Variants in RFX2 observed in about 807,000 individuals in gnomAD.
The protein encoded by RFX2 is regulatory factor X2, also known as DNA-binding protein RFX2.
In RFX2, 20 loss-of-function variants were observed where a neutral mutation model predicts 87.8. The ratio of observed to expected loss-of-function variants is 0.23; its 90% CI spans 0.16 to 0.33. RFX2 has a LOEUF of 0.33. RFX2 is among the 10% of genes least tolerant of loss of function. The pLI is 1.00. For missense variants in RFX2, 767 were observed against 1,012.3 expected (o/e 0.76, Z 3.29); for synonymous variants, 397 against 431.3 (o/e 0.92, Z 0.98).
intron 1 of RFX2, among the ~76,000 whole-genome samples, chr19:6,104,568 C>CAAAA (rs576267913): frequency 0.022 from 2,615 of 120,632 alleles, 57 homozygotes; most frequent in East Asian, 0.065. Context: ...GACTCCATCT[C>CAAAA]AAAAAAAAAA....
intron 1 of RFX2, among the ~76,000 whole-genome samples, chr19:6,107,616 C>CAAAAAAAAAAAAAAAAAAAAAAAAAAAA: frequency 3.2e-5 from 1 of 31,540 alleles, no homozygotes; most frequent in Non-Finnish European, 6.0e-5. Flanking sequence ...GACCCTGTCT[C>CAAAAAAAAAAAAAAAAAAAAAAAAAAAA]AAAAAAAAAA....
At position 6,010,231 on chromosome 19, in the gene RFX2, G is replaced by A. The variant is rs759734629; in HGVS notation, c.920C>T (p.Thr307Met). The A allele has an allele frequency of 1.0e-5, 16 of 1,547,578 alleles. No individual in the cohort carries two copies. The highest frequency in any genetic ancestry group is 3.6e-5 in the South Asian group (3 of 83,968). ...GGAGCCGCTGTCCCCGAGGCTGTCC[G>A]TCTTCTGGGCTGGCCGGTACCTAGG... is the stretch of plus-strand genomic sequence containing the variant. ...QKPRYRPAQK[T>M]DSLGDSGSHS... The change falls in exon 9 of 18, where the codon ACG becomes ATG. Residue 307 changes from threonine to methionine, a missense_variant. Thr to Met is a moderately conservative substitution (Grantham distance 81). Around this residue, in one of 2 missense-constraint regions of RFX2, gnomAD observed 621 missense variants for 873.0 expected, o/e 0.71. Coordinates refer to ENST00000303657, the MANE Select transcript of RFX2 (RefSeq NM_000635.4). This position sits in a 1 kb window ranked among gnomAD's most constrained non-coding sequence, Gnocchi z 5.0.
At chr19:6,029,683 G>A (rs547082996) in intron 5 of RFX2, among the ~76,000 whole-genome samples, 60 of 152,258 alleles carry the variant, frequency 3.9e-4, no homozygotes, top group African/African-American at 1.4e-3. Context: ...ACTCCAACCT[G>A]GGTGACAGAG....
chr19:6,076,388 G>A (rs1176061446), intron 1 of RFX2, among the ~76,000 whole-genome samples: 1 of 152,028 alleles, frequency 6.6e-6, no homozygotes, highest in African/African-American at 2.4e-5. Context: ...TCATCAACTG[G>A]AATACCATTA....
At chr19:6,058,782 C>T (rs574711597) in intron 1 of RFX2, among the ~76,000 whole-genome samples, 1 of 152,248 alleles carries the variant, frequency 6.6e-6, no homozygotes, top group African/African-American at 2.4e-5. Flanking sequence ...AGGATCAGAA[C>T]CAAGCCCTTG....
At chr19:6,059,805 G>GCACA (rs2087402125) in intron 1 of RFX2, among the ~76,000 whole-genome samples, 1 of 151,986 alleles carries the variant, frequency 6.6e-6, no homozygotes, top group South Asian at 2.1e-4. Context: ...ACACATACAT[G>GCACA]CACACACATA....
chr19:6,029,210 T>C (rs1199123153), intron 5 of RFX2, among the ~76,000 whole-genome samples: 1 of 151,248 alleles, frequency 6.6e-6, no homozygotes, highest in African/African-American at 2.4e-5. Flanking sequence ...GTCACCATGT[T>C]AAACTATTCA....
chr19:6,000,724 G>C (rs1014502728), intron 15 of RFX2, among the ~76,000 whole-genome samples: 1 of 152,230 alleles, frequency 6.6e-6, no homozygotes, highest in Non-Finnish European at 1.5e-5. Flanking sequence ...GTGGAACTGT[G>C]AGTCCATTCA....
intron 1 of RFX2, among the ~76,000 whole-genome samples, chr19:6,109,774 C>T (rs1488527290): frequency 6.6e-6 from 1 of 151,738 alleles, no homozygotes; most frequent in East Asian, 2.0e-4. Flanking sequence ...GTGTCCCCAT[C>T]TCAGAGATCT....
rs537234712 is a variant in RFX2 at position 5,998,301 on chromosome 19, C to G, written c.1860-1088G>C. ...CTAGCCTGGGTGACAGAGCAACACT[C>G]CATCTCAAAAAAAAAGAATGAAGTG... On this transcript the variant is annotated intron_variant, in intron 15 of 17. Transcript: ENST00000303657. The surrounding 1 kb of genome is among the most constrained non-coding windows in gnomAD (Gnocchi z 4.2). 2.6e-5 allele frequency among the ~76,000 whole-genome samples: 4 copies of G among 152,098 alleles called. No individual in the cohort carries two copies. The South Asian group carries it at 6.2e-4, about 24-fold the overall frequency.
chr19:6,040,240 G>T lies in RFX2; in HGVS notation c.262C>A (p.Arg88=), dbSNP rs201817157. The T allele has an allele frequency of 1.3e-6, 2 of 1,544,882 alleles. No individual in the cohort carries two copies. The change falls in exon 5 of 18, where the codon CGA becomes AGA. Residue 88 remains arginine, a splice_region_variant and synonymous_variant. Transcript: ENST00000303657. The surrounding 1 kb of genome is among the most constrained non-coding windows in gnomAD (Gnocchi z 6.1). ...TCGGGGTTGTAGGTGTAGGCTGTTC[G>T]TCTGTTAGAAAGAGAGAAGTCACGC... is the stretch of plus-strand genomic sequence containing the variant. ...GDAVYTNGAI[R]TAYTYNPEPQ...
rs1332650254 is a variant in RFX2, at chr19:5,993,677, G to A, written c.*1158C>T. On this transcript the variant is annotated 3_prime_UTR_variant, in exon 18 of 18. Transcript: ENST00000303657. ...CTTCTCTGCAGTTGGTTTGGGGACA[G>A]AACTCCAGCACGCAGCTGTCCAACT... The A allele has an allele frequency of 6.6e-6, 1 of 152,228 alleles. No individual in the cohort carries two copies. Among genetic ancestry groups the A allele is most frequent in the Non-Finnish European group, 1.5e-5 (1 of 68,044 alleles). 9.4% of individuals were successfully genotyped at this position (152,228 alleles called of 1,614,324 possible).
chr19:5,995,388 C>T (rs2086392542), intron 17 of RFX2, among the ~76,000 whole-genome samples: 1 of 152,194 alleles, frequency 6.6e-6, no homozygotes, highest in Admixed American at 6.5e-5. Flanking sequence ...TACCCAGAGG[C>T]CAGCGGCAGT....
chr19:6,060,676 G>A (rs1037193519), intron 1 of RFX2, among the ~76,000 whole-genome samples: 2 of 152,054 alleles, frequency 1.3e-5, no homozygotes, highest in Non-Finnish European at 1.5e-5. Flanking sequence ...GGCCTCCTCT[G>A]AACTTGTACT....
At chr19:6,009,331 G>GC (rs1464486962) in intron 9 of RFX2, among the ~76,000 whole-genome samples, 1 of 152,012 alleles carries the variant, frequency 6.6e-6, no homozygotes, top group Non-Finnish European at 1.5e-5. Context: ...TTCCTTGGCC[G>GC]CCCCCCACCC....
At position 6,048,700 on chromosome 19, in the gene RFX2, T is replaced by C. The variant is rs187176957; in HGVS notation, c.-8-1196A>G. On this transcript the variant is annotated intron_variant, in intron 1 of 17. Transcript: ENST00000303657. ...TTCTCTATCACCCCCAGAGGTTTTA[T>C]CTCTTATAATGAGTGAAAAAAATTT... Among the ~76,000 whole-genome samples the C allele has an allele frequency of 5.3e-5, 8 of 152,342 alleles. No homozygotes were observed. In the East Asian group the frequency reaches 9.6e-4, roughly 18 times the overall value.
rs34145446 is a variant in RFX2, at chr19:6,022,859, TG to T, written c.597+3303del. Reference sequence around the variant, plus strand: ...GCCTGGGAAGCTCCTGTTGACCGGCTGGGTCTGGACAATGCTGTCTCGTTTT... The same window carrying T: ...GCCTGGGAAGCTCCTGTTGACCGGCTGGTCTGGACAATGCTGTCTCGTTTT... On this transcript the variant is annotated intron_variant, in intron 6 of 17. Coordinates refer to ENST00000303657, the MANE Select transcript of RFX2 (RefSeq NM_000635.4). This position sits in a 1 kb window ranked among gnomAD's most constrained non-coding sequence, Gnocchi z 6.2. Among the ~76,000 whole-genome samples, 1 of 152,166 alleles carries T rather than the reference TG, an allele frequency of 6.6e-6. No homozygotes were observed. Among genetic ancestry groups the T allele is most frequent in the Non-Finnish European group, 1.5e-5 (1 of 68,020 alleles).
At position 5,999,003 on chromosome 19, in the gene RFX2, C is replaced by T. The variant is rs376775699; in HGVS notation, c.1860-1790G>A. On this transcript the variant is annotated intron_variant, in intron 15 of 17. Coordinates refer to ENST00000303657, the MANE Select transcript of RFX2 (RefSeq NM_000635.4). This position sits in a 1 kb window ranked among gnomAD's most constrained non-coding sequence, Gnocchi z 4.1. ...AGGCGTGGTGGCTCATGACTGGAATCGCAGCACTTTGGGAGGCTGAGGCAG... is the reference window on the plus strand; with the variant it reads ...AGGCGTGGTGGCTCATGACTGGAATTGCAGCACTTTGGGAGGCTGAGGCAG... 1.2e-4 allele frequency among the ~76,000 whole-genome samples: 18 copies of T among 152,334 alleles called. No homozygotes were observed. The highest frequency in any genetic ancestry group is 3.1e-4 in the African/African-American group (13 of 41,572).
chr19:6,031,401 T>G (rs2086951166), intron 5 of RFX2, among the ~76,000 whole-genome samples: 1 of 151,002 alleles, frequency 6.6e-6, no homozygotes. Flanking sequence ...AAACTAGTAT[T>G]TCCTTTCTTT....
Sources: gnomAD v4.1 joint callset for allele counts (sites outside exome capture counted in the v4.1 genomes callset) on GRCh38, gnomAD v4.1.1 for gene constraint, gnomAD v4.1.1 regional missense constraint, Gnocchi (gnomAD v3.1) non-coding constraint, MANE v1.5 for transcripts, NCBI Gene and HGNC (gene_info 2026-07-23, HGNC 2026-07-21) for gene names.